TRDN: variants seen among roughly 807,000 people sequenced by gnomAD.
The protein encoded by TRDN is triadin.
In TRDN, 161 loss-of-function variants were observed where a neutral mutation model predicts 149.7. The observed-to-expected ratio is 1.08, with a 90% confidence interval of 0.95 to 1.23. TRDN has a LOEUF of 1.23. Ranked by LOEUF, TRDN falls within the 50% of genes most tolerant of loss-of-function variation. The pLI, the probability that TRDN is intolerant of heterozygous loss-of-function variation, is 0.00. For synonymous variants in TRDN, 294 were observed against 250.5 expected, an observed-to-expected ratio of 1.17 and a Z score of -1.64; for missense variants, 896 against 823.5, an observed-to-expected ratio of 1.09 and a Z score of -1.08.
intron 23 of TRDN, among the ~76,000 whole-genome samples, chr6:123,325,416 A>T (rs1779405968): frequency 6.6e-6 from 1 of 152,308 alleles, no homozygotes; most frequent in South Asian, 2.1e-4. Flanking sequence ...CAAATATTCT[A>T]GACCCAGTAT....
Position 123,503,792 on chromosome 6 carries a change from T to TTTTTG in TRDN, c.719_720insCAAAA (p.Gln241LysfsTer35), listed in dbSNP as rs1476795423. 1 of 1,613,104 alleles carries TTTTTG rather than the reference T, an allele frequency of 6.2e-7. No individual in the cohort carries two copies. Among genetic ancestry groups the TTTTTG allele is most frequent in the Non-Finnish European group, 8.5e-7 (1 of 1,179,532 alleles). On this transcript the variant is annotated frameshift_variant, in exon 8 of 41. Transcript: ENST00000334268. LOFTEE classifies it high-confidence loss of function. ...CTTTGGGTTTTGATGGTGTTTTCTG[T>TTTTTG]ACTTCTTTTACTTTTGCAGCTGTTT...
intron 24 of TRDN, among the ~76,000 whole-genome samples, chr6:123,298,062 G>A (rs766989025): frequency 7.9e-5 from 12 of 151,786 alleles, no homozygotes; most frequent in Non-Finnish European, 1.8e-4. Context: ...ATTAATCCAT[G>A]AAATTAAAAA....
chr6:123,380,682 A>G (rs1471940490), intron 16 of TRDN, among the ~76,000 whole-genome samples: 1 of 149,228 alleles, frequency 6.7e-6, no homozygotes, highest in Non-Finnish European at 1.5e-5. Context: ...GTAATGTGCT[A>G]ATTTTTAATA....
At chr6:123,412,703 C>T (rs1482202387) in intron 12 of TRDN, among the ~76,000 whole-genome samples, 3 of 151,994 alleles carry the variant, frequency 2.0e-5, no homozygotes, top group African/African-American at 4.8e-5. Flanking sequence ...TTACCAAACT[C>T]GGATATGTAG....
At chr6:123,586,816 T>G (rs543326657) in intron 1 of TRDN, among the ~76,000 whole-genome samples, 30 of 151,370 alleles carry the variant, frequency 2.0e-4, no homozygotes, top group African/African-American at 6.5e-4. Flanking sequence ...GGAAGGGGTT[T>G]GGGGGTTCTT....
chr6:123,459,439 G>T (rs1368594780), intron 10 of TRDN, among the ~76,000 whole-genome samples: 1 of 152,052 alleles, frequency 6.6e-6, no homozygotes, highest in Non-Finnish European at 1.5e-5. Context: ...GTCCCCTACT[G>T]AAGGACATGA....
chr6:123,569,298 C>T (rs974779029), intron 2 of TRDN, among the ~76,000 whole-genome samples: 4 of 152,142 alleles, frequency 2.6e-5, no homozygotes, highest in African/African-American at 9.7e-5. Context: ...CTGTTCATAT[C>T]AGTATCAGCA....
chr6:123,552,654 T>C (rs747554458), intron 2 of TRDN, among the ~76,000 whole-genome samples: 3 of 152,158 alleles, frequency 2.0e-5, no homozygotes, highest in Non-Finnish European at 4.4e-5. Context: ...CTTCATCATA[T>C]ATTTTTGCAT....
chr6:123,286,932 G>C (rs1411155231), intron 24 of TRDN, among the ~76,000 whole-genome samples: 1 of 152,016 alleles, frequency 6.6e-6, no homozygotes, highest in Admixed American at 6.6e-5. Flanking sequence ...TGGAGGTGGG[G>C]CCCAGGAATT....
intron 1 of TRDN, among the ~76,000 whole-genome samples, chr6:123,605,308 T>A (rs1280448550): frequency 1.3e-5 from 2 of 148,870 alleles, no homozygotes; most frequent in African/African-American, 4.9e-5. Context: ...CACATATATA[T>A]AAACATATAT....
chr6:123,492,939 C>A (rs1004022224), intron 9 of TRDN, among the ~76,000 whole-genome samples: 9 of 152,020 alleles, frequency 5.9e-5, no homozygotes, highest in African/African-American at 2.2e-4. Flanking sequence ...CTCAATCTCT[C>A]CCCGACTCTC....
At chr6:123,448,504 C>A (rs187954419) in intron 10 of TRDN, among the ~76,000 whole-genome samples, 3 of 152,064 alleles carry the variant, frequency 2.0e-5, no homozygotes, top group African/African-American at 7.2e-5. Flanking sequence ...TCAGCAGAGA[C>A]AGCCATAATC....
At chr6:123,247,770 G>C (rs755682429) in intron 38 of TRDN, among the ~76,000 whole-genome samples, 1 of 152,102 alleles carries the variant, frequency 6.6e-6, no homozygotes, top group Non-Finnish European at 1.5e-5. Context: ...TATGGAACCA[G>C]AAAAGAGCCT....
At chr6:123,464,787 A>G in intron 10 of TRDN, 119 bp downstream of exon 10, 1 of 1,486,378 alleles carries the variant, frequency 6.7e-7, no homozygotes, top group Non-Finnish European at 8.9e-7. Flanking sequence ...AGACATACTA[A>G]AAGTATTTAA....
intron 9 of TRDN, among the ~76,000 whole-genome samples, chr6:123,467,191 G>A (rs1047294045): frequency 9.9e-5 from 15 of 151,754 alleles, no homozygotes; most frequent in African/African-American, 3.1e-4. Context: ...AAGGAAAATC[G>A]TATATACTAA....
intron 37 of TRDN, 52 bp downstream of exon 37, chr6:123,255,029 C>A: frequency 1.0e-6 from 1 of 998,938 alleles, no homozygotes; most frequent in Non-Finnish European, 1.5e-6. Context: ...TAAGCAACAA[C>A]ATAATTCATA....
chr6:123,566,626 C>T (rs1782311658), intron 2 of TRDN, among the ~76,000 whole-genome samples: 1 of 152,144 alleles, frequency 6.6e-6, no homozygotes, highest in Non-Finnish European at 1.5e-5. Flanking sequence ...CAAATCATTT[C>T]CAGTTTATTT....
At chr6:123,265,588 A>C (rs1434816436) in intron 32 of TRDN, among the ~76,000 whole-genome samples, 1 of 151,168 alleles carries the variant, frequency 6.6e-6, no homozygotes, top group East Asian at 1.9e-4. Flanking sequence ...TGTAAACCTC[A>C]TATTTGATTT....
At chr6:123,533,465 G>A (rs1780351181) in intron 4 of TRDN, among the ~76,000 whole-genome samples, 1 of 152,080 alleles carries the variant, frequency 6.6e-6, no homozygotes, top group East Asian at 1.9e-4. Context: ...GAAAAGACTG[G>A]ACAGAGTTGT....
Sources: allele counts gnomAD v4.1 joint callset (sites outside exome capture counted in the v4.1 genomes callset), GRCh38; gene constraint gnomAD v4.1.1; transcripts MANE v1.5; gene names NCBI Gene and HGNC (gene_info 2026-07-23, HGNC 2026-07-21).